The following DNER variants were observed in gnomAD, a reference collection of about 807,000 sequenced individuals.
The protein encoded by DNER is delta and Notch-like epidermal growth factor-related receptor.
A neutral mutation model predicts 78.2 loss-of-function variants in DNER; 33 were observed. The ratio of observed to expected loss-of-function variants is 0.42; its 90% CI spans 0.32 to 0.56. The LOEUF (loss-of-function observed/expected upper bound fraction) is 0.56. Among genes scored for constraint, DNER ranks in the 20% least tolerant of loss-of-function variants. DNER has a pLI of 0.11. For missense variants in DNER, 918 were observed against 975.3 expected, an observed-to-expected ratio of 0.94 and a Z score of 0.78; for synonymous variants, 417 against 384.8, an observed-to-expected ratio of 1.08 and a Z score of -0.98.
At chr2:229,588,281 G>T in intron 3 of DNER, 113 bp downstream of exon 3, 1 of 912,428 alleles carries the variant, frequency 1.1e-6, no homozygotes. Flanking sequence ...CGTGGAATCT[G>T]TTCACGATTC....
intron 7 of DNER, among the ~76,000 whole-genome samples, chr2:229,463,781 G>A (rs941547072): frequency 6.6e-6 from 1 of 152,160 alleles, no homozygotes; most frequent in Non-Finnish European, 1.5e-5. Context: ...TGCGTAGCAC[G>A]GGAAAGCAAG....
chr2:229,522,737 G>T (rs1160000368), intron 5 of DNER, among the ~76,000 whole-genome samples: 1 of 152,216 alleles, frequency 6.6e-6, no homozygotes, highest in Admixed American at 6.5e-5. Context: ...GAGCAAAAAT[G>T]ATAAATCAGT....
At chr2:229,435,426 G>C (rs113730718) in intron 8 of DNER, among the ~76,000 whole-genome samples, 8 of 152,160 alleles carry the variant, frequency 5.3e-5, no homozygotes, top group Non-Finnish European at 1.2e-4. Context: ...CAAACAATAA[G>C]TGGTTTTCTT....
chr2:229,405,896 C>A (rs1056016133), intron 10 of DNER, among the ~76,000 whole-genome samples: 1 of 152,016 alleles, frequency 6.6e-6, no homozygotes, highest in Non-Finnish European at 1.5e-5. Context: ...GGAAAAAAAA[C>A]CCGGGATGCT....
chr2:229,610,121 T>C (rs1372924950), intron 1 of DNER, among the ~76,000 whole-genome samples: 4 of 152,216 alleles, frequency 2.6e-5, no homozygotes, highest in Admixed American at 2.0e-4. Context: ...ACCATTTGTT[T>C]TGACGATGGA....
chr2:229,584,700 G>T (rs565466017), intron 4 of DNER, among the ~76,000 whole-genome samples: 2 of 152,202 alleles, frequency 1.3e-5, no homozygotes, highest in South Asian at 4.2e-4. Context: ...GGAGGCCGAG[G>T]CGGGTGGATC....
intron 8 of DNER, among the ~76,000 whole-genome samples, chr2:229,439,889 C>T (rs1467874006): frequency 6.6e-6 from 1 of 152,204 alleles, no homozygotes; most frequent in Non-Finnish European, 1.5e-5. Flanking sequence ...TCCTCACAGA[C>T]TCTGCTAACT....
intron 4 of DNER, among the ~76,000 whole-genome samples, chr2:229,551,930 C>CAAAA (rs1363273441): frequency 1.3e-5 from 2 of 149,732 alleles, no homozygotes; most frequent in African/African-American, 5.0e-5. Context: ...GACTCCATCT[C>CAAAA]AAAAAATAAA....
At chr2:229,610,126 G>A (rs144555213) in intron 1 of DNER, among the ~76,000 whole-genome samples, 3 of 152,178 alleles carry the variant, frequency 2.0e-5, no homozygotes, top group South Asian at 2.1e-4. Flanking sequence ...TTGTTTTGAC[G>A]ATGGAAGATT....
intron 1 of DNER, among the ~76,000 whole-genome samples, chr2:229,645,296 G>A (rs1698698383): frequency 6.6e-6 from 1 of 152,146 alleles, no homozygotes; most frequent in Admixed American, 6.6e-5. Context: ...CATGCATCTG[G>A]CCCAGGAAAA....
intron 1 of DNER, among the ~76,000 whole-genome samples, chr2:229,689,818 G>A (rs972645315): frequency 2.0e-5 from 3 of 152,082 alleles, no homozygotes; most frequent in African/African-American, 4.8e-5. Context: ...ATTAAGTTTC[G>A]AAAAAGGTGG....
intron 1 of DNER, among the ~76,000 whole-genome samples, chr2:229,690,090 C>T (rs544650618): frequency 6.6e-6 from 1 of 152,182 alleles, no homozygotes; most frequent in Non-Finnish European, 1.5e-5. Context: ...AATGATCAAC[C>T]CCTAGTAGTC....
In DNER at chr2:229,477,503, C is replaced by T. The variant is rs552813676; in HGVS notation, c.1148-250G>A. Among the ~76,000 whole-genome samples, 28 of 152,326 alleles carry T rather than the reference C, an allele frequency of 1.8e-4. No homozygotes were observed. The East Asian group carries it at 4.8e-3, about 26-fold the overall frequency. On this transcript the variant is annotated intron_variant, in intron 6 of 12. Coordinates refer to ENST00000341772, the MANE Select transcript of DNER (RefSeq NM_139072.4). ...TTATTGCAAGAAGACCACATTTCTT[C>T]GGCATTAGGTCTGTGTTTCATCTTG...
In DNER at chr2:229,388,284, C is replaced by T. The variant is rs777541195; in HGVS notation, c.1836G>A (p.Val612=). The T allele has an allele frequency of 6.2e-7, 1 of 1,608,038 alleles. No homozygotes were observed. Among genetic ancestry groups the T allele is most frequent in the Middle Eastern group, 1.7e-4 (1 of 6,040 alleles). ...GYNCHCPHGW[V]GANCEIHLQW... is the part of the protein sequence containing the mutation. ...ACTTACGGATCTCACAGTTTGCTCC[C>T]ACCCAACCATGCGGGCAGTGGCAGT... Residue 612 remains valine (V), a synonymous_variant, in exon 11 of 13, where the codon GTG becomes GTA. Coordinates refer to ENST00000341772, the MANE Select transcript of DNER (RefSeq NM_139072.4).
intron 11 of DNER, among the ~76,000 whole-genome samples, chr2:229,376,056 T>G (rs1180457334): frequency 3.3e-5 from 5 of 152,200 alleles, no homozygotes; most frequent in Non-Finnish European, 7.4e-5. Context: ...TGCTTCCCCT[T>G]CGCCTTTTGC....
chr2:229,512,474 C>A (rs1406567531), intron 6 of DNER, among the ~76,000 whole-genome samples: 1 of 151,610 alleles, frequency 6.6e-6, no homozygotes, highest in African/African-American at 2.4e-5. Flanking sequence ...GAATGAAAAA[C>A]CAAACATCAT....
At position 229,668,573 on chromosome 2, in the gene DNER, T is replaced by TACAC. The variant is rs1553550487; in HGVS notation, c.276+45574_276+45575insGTGT. Among the ~76,000 whole-genome samples, 494 of 92,178 alleles carry TACAC rather than the reference T, an allele frequency of 5.4e-3. 21 individuals carry two copies. The highest frequency in any genetic ancestry group is 0.027 in the African/African-American group (455 of 17,122). The allele number at this position is 92,178 out of a possible 152,430, so 60.5% of individuals were successfully genotyped here. On this transcript the variant is annotated intron_variant, in intron 1 of 12. Coordinates refer to ENST00000341772, the MANE Select transcript of DNER (RefSeq NM_139072.4). ...ATATATATATATATATATATATATA[T>TACAC]ATATATAAAAGAAGACATTTATGTG... is the stretch of plus-strand genomic sequence containing the variant.
intron 5 of DNER, among the ~76,000 whole-genome samples, chr2:229,530,832 T>G (rs1395223637): frequency 6.6e-6 from 1 of 152,194 alleles, no homozygotes; most frequent in African/African-American, 2.4e-5. Flanking sequence ...GAAAATTGAG[T>G]ATGGAATGAT....
chr2:229,693,420 G>A (rs376707664), intron 1 of DNER, among the ~76,000 whole-genome samples: 41 of 152,110 alleles, frequency 2.7e-4, no homozygotes, highest in African/African-American at 9.4e-4. Flanking sequence ...AGAGTGGGAC[G>A]CTGCTGTAAA....
Sources: allele counts gnomAD v4.1 joint callset (sites outside exome capture counted in the v4.1 genomes callset), GRCh38; gene constraint gnomAD v4.1.1; transcripts MANE v1.5; gene names NCBI Gene and HGNC (gene_info 2026-07-23, HGNC 2026-07-21).